TENM3: variants seen among roughly 807,000 people sequenced by gnomAD.
TENM3 encodes the protein teneurin-3.
Under a neutral mutation model 255.1 loss-of-function variants are expected in TENM3, and 63 were observed. The ratio of observed to expected loss-of-function variants is 0.25; its 90% CI spans 0.20 to 0.30. TENM3 has a LOEUF of 0.30. Among genes scored for constraint, TENM3 ranks in the 10% least tolerant of loss-of-function variants. TENM3 has a pLI of 1.00. For synonymous variants in TENM3, 1,306 were observed against 1,322.3 expected (o/e 0.99, Z 0.27); for missense variants, 2,929 against 3,461.1 (o/e 0.85, Z 3.86).
At chr4:182,411,993 A>G (rs1770020620) in intron 3 of TENM3, among the ~76,000 whole-genome samples, 1 of 152,116 alleles carries the variant, frequency 6.6e-6, no homozygotes, top group Admixed American at 6.5e-5. Flanking sequence ...AGAAGCAGGT[A>G]GAGTTTGCTT....
chr4:182,795,786 A>G (rs921985016), intron 26 of TENM3, among the ~76,000 whole-genome samples: 1 of 152,222 alleles, frequency 6.6e-6, no homozygotes, highest in Non-Finnish European at 1.5e-5. Flanking sequence ...CAAAAGAGAG[A>G]TGGAACAGCA....
intron 3 of TENM3, among the ~76,000 whole-genome samples, chr4:182,539,866 C>T (rs1350705034): frequency 6.6e-6 from 1 of 152,186 alleles, no homozygotes; most frequent in Non-Finnish European, 1.5e-5. Context: ...TTTGAGCTGT[C>T]TTCCAGACAC....
chr4:182,308,622 G>C (rs1762267810), intron 1 of TENM3, among the ~76,000 whole-genome samples: 1 of 152,142 alleles, frequency 6.6e-6, no homozygotes, highest in Non-Finnish European at 1.5e-5. Context: ...TTACAGGTGT[G>C]AGCCGCTGTG....
chr4:182,702,037 G>A (rs944973596), intron 12 of TENM3, among the ~76,000 whole-genome samples: 2 of 151,848 alleles, frequency 1.3e-5, no homozygotes, highest in Admixed American at 1.3e-4. Context: ...AATTTGAGTG[G>A]ACTATATGAA....
chr4:182,785,366 C>T (rs1173134554), intron 24 of TENM3, among the ~76,000 whole-genome samples: 1 of 151,900 alleles, frequency 6.6e-6, no homozygotes, highest in Non-Finnish European at 1.5e-5. Context: ...GCCACCCCTC[C>T]CGGTCTTAAC....
At chr4:181,786,761 G>T in the TENM3 span, among the ~76,000 whole-genome samples, 1 of 150,388 alleles carries the variant, frequency 6.6e-6, no homozygotes, top group African/African-American at 2.5e-5. Flanking sequence ...ATAGGGAGTC[G>T]CTCCCAGCAC....
At chr4:182,304,305 C>T (rs1341786810) in intron 1 of TENM3, among the ~76,000 whole-genome samples, 6 of 152,060 alleles carry the variant, frequency 3.9e-5, no homozygotes, top group South Asian at 2.1e-4. Flanking sequence ...CTCTGCCTCC[C>T]GGGTTCAAGC....
At chr4:182,741,390 C>T (rs966804807) in intron 18 of TENM3, among the ~76,000 whole-genome samples, 10 of 152,110 alleles carry the variant, frequency 6.6e-5, no homozygotes, top group Non-Finnish European at 8.8e-5. Context: ...GAAGAGAATA[C>T]GGAAACGTAG....
At chr4:181,991,557 G>GTAAT in the TENM3 span, among the ~76,000 whole-genome samples, 4 of 152,140 alleles carry the variant, frequency 2.6e-5, no homozygotes, top group Admixed American at 2.6e-4. Context: ...TCATCGTCCA[G>GTAAT]TGGCTACTCA....
chr4:182,479,854 A>G (rs1734026364), intron 3 of TENM3, among the ~76,000 whole-genome samples: 1 of 152,032 alleles, frequency 6.6e-6, no homozygotes, highest in Non-Finnish European at 1.5e-5. Flanking sequence ...TTTCTGAGAT[A>G]TAAGAACCTT....
At chr4:182,349,103 G>C (rs1252888822) in intron 3 of TENM3, among the ~76,000 whole-genome samples, 2 of 152,178 alleles carry the variant, frequency 1.3e-5, no homozygotes, top group African/African-American at 2.4e-5. Flanking sequence ...AGCATTTGTT[G>C]AGAGTAAATA....
intron 3 of TENM3, among the ~76,000 whole-genome samples, chr4:182,533,940 A>G (rs766355000): frequency 6.6e-6 from 1 of 152,122 alleles, no homozygotes; most frequent in Non-Finnish European, 1.5e-5. Context: ...TCATTGATAT[A>G]GTATAGTCCA....
chr4:182,052,538 C>A, the TENM3 span, among the ~76,000 whole-genome samples: 1 of 152,258 alleles, frequency 6.6e-6, no homozygotes, highest in African/African-American at 2.4e-5. Flanking sequence ...AAGGTTGTAC[C>A]TTTTCCCTCG....
chr4:182,030,136 T>A, the TENM3 span, among the ~76,000 whole-genome samples: 37 of 151,656 alleles, frequency 2.4e-4, no homozygotes, highest in Non-Finnish European at 5.4e-4. Flanking sequence ...GTTACATAGG[T>A]AAACGTGTGC....
intron 1 of TENM3, among the ~76,000 whole-genome samples, chr4:182,223,297 C>A (rs1161415072): frequency 6.6e-6 from 1 of 151,970 alleles, no homozygotes; most frequent in Non-Finnish European, 1.5e-5. Flanking sequence ...TTGATTTGGG[C>A]AAGAAAGACA....
intron 1 of TENM3, among the ~76,000 whole-genome samples, chr4:182,297,294 T>G (rs1761557042): frequency 6.6e-6 from 1 of 152,182 alleles, no homozygotes; most frequent in South Asian, 2.1e-4. Flanking sequence ...CTTGCATAGT[T>G]GAAAAACAGT....
chr4:182,783,861 T>G (rs2152815139), intron 24 of TENM3, among the ~76,000 whole-genome samples: 1 of 152,076 alleles, frequency 6.6e-6, no homozygotes, highest in East Asian at 1.9e-4. Flanking sequence ...CTCCTGAGGC[T>G]TCTGCATTCT....
chr4:182,737,527 C>T (rs944012132), intron 17 of TENM3, among the ~76,000 whole-genome samples: 3 of 152,174 alleles, frequency 2.0e-5, no homozygotes, highest in African/African-American at 4.8e-5. Context: ...ATTACATCAG[C>T]TGTTTTCACT....
intron 3 of TENM3, among the ~76,000 whole-genome samples, chr4:182,593,575 G>T (rs919088160): frequency 9.2e-5 from 14 of 152,108 alleles, no homozygotes; most frequent in African/African-American, 3.1e-4. Context: ...GACGTGTGTA[G>T]CCAGGCCACA....
Sources: allele counts gnomAD v4.1 joint callset (sites outside exome capture counted in the v4.1 genomes callset), GRCh38; gene constraint gnomAD v4.1.1; transcripts MANE v1.5; gene names NCBI Gene and HGNC (gene_info 2026-07-23, HGNC 2026-07-21).